Variants in SMARCC1 observed in about 807,000 individuals in gnomAD.
The protein encoded by SMARCC1 is SWI/SNF related BAF chromatin remodeling complex subunit C1, also known as SWI/SNF complex subunit SMARCC1.
SMARCC1 carries 43 observed loss-of-function variants against 147.4 expected under a neutral mutation model. The ratio of observed to expected loss-of-function variants is 0.29; its 90% CI spans 0.23 to 0.38. SMARCC1 has a LOEUF of 0.38. SMARCC1 is among the 10% of genes least tolerant of loss of function. SMARCC1 has a pLI of 1.00. For missense variants in SMARCC1, 1,119 were observed against 1,381.1 expected (o/e 0.81, Z 3.01); for synonymous variants, 495 against 484.4 (o/e 1.02, Z -0.29).
At chr3:47,666,932 A>G (rs569534304) in intron 19 of SMARCC1, among the ~76,000 whole-genome samples, 4 of 152,336 alleles carry the variant, frequency 2.6e-5, no homozygotes, top group Admixed American at 1.3e-4. Context: ...AAAAGTATGT[A>G]AAGTGTATGC....
chr3:47,729,028 C>G lies in SMARCC1; in HGVS notation c.643G>C (p.Asp215His). ...HIYPYSSSQD[D>H]EEWLRPVMRK... ...TCACAACGCAAAACTAACTTACCATCGTCTTGTGAGGAAGAATATGGGTAA... is the reference window on the plus strand; with the variant it reads ...TCACAACGCAAAACTAACTTACCATGGTCTTGTGAGGAAGAATATGGGTAA... The change falls in exon 6 of 28, where the codon GAT becomes CAT. Residue 215 changes from aspartate (D) to histidine (H), a missense_variant. By Grantham distance (81) the Asp-to-His change is moderately conservative (BLOSUM62 -1). Coordinates refer to ENST00000254480, the MANE Select transcript of SMARCC1 (RefSeq NM_003074.4). The G allele has an allele frequency of 6.2e-7, 1 of 1,605,420 alleles. No individual in the cohort carries two copies. The highest frequency in any genetic ancestry group is 8.5e-7 in the Non-Finnish European group (1 of 1,173,170).
intron 21 of SMARCC1, among the ~76,000 whole-genome samples, chr3:47,640,230 A>G (rs999236554): frequency 6.6e-6 from 1 of 152,058 alleles, no homozygotes; most frequent in Non-Finnish European, 1.5e-5. Flanking sequence ...CAATATAGAA[A>G]GTAGGGATGG....
chr3:47,770,120 C>A (rs1407715712), intron 2 of SMARCC1, among the ~76,000 whole-genome samples: 1 of 151,284 alleles, frequency 6.6e-6, no homozygotes, highest in African/African-American at 2.4e-5. Flanking sequence ...CCCAGCTACT[C>A]GGGAGGCTGA....
At chr3:47,700,082 C>T (rs546884071) in intron 11 of SMARCC1, among the ~76,000 whole-genome samples, 2 of 151,774 alleles carry the variant, frequency 1.3e-5, no homozygotes, top group East Asian at 1.9e-4. Flanking sequence ...TACTACAATC[C>T]TTCATCTTAG....
At chr3:47,669,545 T>C (rs577559522) in intron 19 of SMARCC1, among the ~76,000 whole-genome samples, 2 of 152,184 alleles carry the variant, frequency 1.3e-5, no homozygotes, top group Non-Finnish European at 2.9e-5. Context: ...ATAGGAAAGA[T>C]AGTTAAATAA....
At chr3:47,706,171 A>G (rs1207154106) in intron 10 of SMARCC1, among the ~76,000 whole-genome samples, 1 of 152,058 alleles carries the variant, frequency 6.6e-6, no homozygotes, top group Non-Finnish European at 1.5e-5. Flanking sequence ...AAAAAATTCC[A>G]AGTGATTCTC....
intron 2 of SMARCC1, among the ~76,000 whole-genome samples, chr3:47,757,796 A>AG (rs1553691156): frequency 2.0e-5 from 3 of 151,434 alleles, no homozygotes; most frequent in Admixed American, 6.6e-5. Flanking sequence ...AAAAAAAAAA[A>AG]AAAGAAAGAA....
chr3:47,619,011 C>A (rs1382973306), intron 25 of SMARCC1, among the ~76,000 whole-genome samples: 1 of 152,122 alleles, frequency 6.6e-6, no homozygotes, highest in Non-Finnish European at 1.5e-5. Flanking sequence ...CCCTATTACT[C>A]CAGGCCCTCT....
At chr3:47,599,929 T>G (rs1314098647) in intron 26 of SMARCC1, among the ~76,000 whole-genome samples, 3 of 152,218 alleles carry the variant, frequency 2.0e-5, no homozygotes, top group Admixed American at 6.5e-5. Flanking sequence ...CTCTTGCTCT[T>G]AGGCCCAGTA....
intron 26 of SMARCC1, among the ~76,000 whole-genome samples, chr3:47,597,467 C>G (rs1214133549): frequency 2.6e-5 from 4 of 152,164 alleles, no homozygotes; most frequent in Non-Finnish European, 4.4e-5. Context: ...GCTAGGACTA[C>G]AGGCACCCGC....
At chr3:47,675,340 T>C (rs1031799574) in intron 18 of SMARCC1, 135 bp downstream of exon 18, 6 of 510,020 alleles carry the variant, frequency 1.2e-5, no homozygotes, top group African/African-American at 2.0e-5. Flanking sequence ...CTAAGTCATA[T>C]AGGAATATAA....
chr3:47,722,390 C>T lies in SMARCC1; in HGVS notation c.647-1655G>A, dbSNP rs188472005. 4.2e-3 allele frequency among the ~76,000 whole-genome samples: 634 copies of T among 150,406 alleles called. 8 individuals carry two copies. The highest frequency in any genetic ancestry group is 0.015 in the African/African-American group (607 of 40,974). On this transcript the variant is annotated intron_variant, in intron 6 of 27. Transcript: ENST00000254480. The stretch of plus-strand genomic sequence containing the variant: ...TCGGCTCACCACAACCTCTGCCTCC[C>T]GGGTTCAAGTGATTTTCCTGCCTCA...
chr3:47,671,200 A>AAAAAAAAAAACAAAAAAACC (rs2033497682), intron 18 of SMARCC1, among the ~76,000 whole-genome samples: 1 of 130,000 alleles, frequency 7.7e-6, no homozygotes, highest in Non-Finnish European at 1.7e-5. Context: ...AAAAAAAAAC[A>AAAAAAAAAAACAAAAAAACC]CACACAAAAA....
At chr3:47,604,859 C>T (rs1258634091) in intron 26 of SMARCC1, among the ~76,000 whole-genome samples, 1 of 152,022 alleles carries the variant, frequency 6.6e-6, no homozygotes, top group Non-Finnish European at 1.5e-5. Context: ...CCACCATACC[C>T]GGCTAATTTT....
intron 2 of SMARCC1, among the ~76,000 whole-genome samples, chr3:47,753,971 T>C (rs1229430123): frequency 6.6e-6 from 1 of 152,138 alleles, no homozygotes; most frequent in Admixed American, 6.6e-5. Flanking sequence ...TCCAGAATTC[T>C]TATACCTCAC....
chr3:47,751,175 A>G (rs1265024648), intron 2 of SMARCC1, among the ~76,000 whole-genome samples: 6 of 152,118 alleles, frequency 3.9e-5, no homozygotes, highest in South Asian at 4.2e-4. Context: ...TGGGATTACT[A>G]GCGTGAGCCA....
intron 11 of SMARCC1, among the ~76,000 whole-genome samples, chr3:47,696,323 G>A (rs1403990944): frequency 6.6e-6 from 1 of 151,974 alleles, no homozygotes; most frequent in Non-Finnish European, 1.5e-5. Flanking sequence ...GCAGTGAGCT[G>A]AGATTGCACC....
chr3:47,746,639 A>C (rs2034566893), intron 2 of SMARCC1, among the ~76,000 whole-genome samples: 2 of 152,090 alleles, frequency 1.3e-5, no homozygotes, highest in Admixed American at 6.6e-5. Context: ...AAATTCCATA[A>C]ACATATTATA....
chr3:47,714,595 C>A, intron 7 of SMARCC1, 105 bp from the exon 8 acceptor site: 1 of 640,412 alleles, frequency 1.6e-6, no homozygotes, highest in Admixed American at 3.0e-5. Context: ...TACTAAAATC[C>A]CAGCCTGGTC....
Sources: gnomAD v4.1 joint callset for allele counts (sites outside exome capture counted in the v4.1 genomes callset) on GRCh38, gnomAD v4.1.1 for gene constraint, MANE v1.5 for transcripts, NCBI Gene and HGNC (gene_info 2026-07-23, HGNC 2026-07-21) for gene names.